CHKA: variants seen among roughly 807,000 people sequenced by gnomAD.
CHKA encodes choline kinase alpha, also known as CHETK-alpha.
CHKA carries 34 observed loss-of-function variants against 60.1 expected under a neutral mutation model. The ratio of observed to expected loss-of-function variants is 0.57; its 90% CI spans 0.43 to 0.75. CHKA has a LOEUF of 0.75. Ranked by LOEUF, CHKA falls within the 30% of genes least tolerant of loss-of-function variation. The pLI is 0.00. For missense variants in CHKA, 563 were observed against 561.3 expected, an observed-to-expected ratio of 1.00 and a Z score of -0.03; for synonymous variants, 217 against 223.1, an observed-to-expected ratio of 0.97 and a Z score of 0.24.
intron 11 of CHKA, among the ~76,000 whole-genome samples, chr11:68,056,036 G>A (rs988823596): frequency 2.2e-4 from 34 of 152,098 alleles, no homozygotes; most frequent in Non-Finnish European, 7.4e-5. Flanking sequence ...CAACAAGAGC[G>A]AAACTCCATC....
chr11:68,120,520 C>T (rs778437019), intron 1 of CHKA, among the ~76,000 whole-genome samples: 1 of 152,380 alleles, frequency 6.6e-6, no homozygotes, highest in Admixed American at 6.5e-5. Flanking sequence ...GCGTCAGTAC[C>T]ACACGCACTT....
intron 2 of CHKA, chr11:68,081,664 T>C: frequency 2.0e-6 from 1 of 504,656 alleles, no homozygotes; most frequent in Non-Finnish European, 3.6e-6. Flanking sequence ...TTCATTGCTT[T>C]ACGAGAAAAG....
At position 68,068,867 on chromosome 11, in the gene CHKA, A is replaced by G. The variant is rs1162189441; in HGVS notation, c.928+12T>C. On this transcript the variant is annotated intron_variant, in intron 7 of 11. Coordinates refer to ENST00000265689, the MANE Select transcript of CHKA (RefSeq NM_001277.3). Reference sequence around the variant, plus strand: ...ACAAACCTCATCTGTAACAGAACATAGCAATTCTTACCTTCTTGACAGTCA... The same window carrying G: ...ACAAACCTCATCTGTAACAGAACATGGCAATTCTTACCTTCTTGACAGTCA... The G allele has an allele frequency of 6.3e-7, 1 of 1,592,308 alleles. No homozygotes were observed. The highest frequency in any genetic ancestry group is 8.6e-7 in the Non-Finnish European group (1 of 1,160,578).
intron 2 of CHKA, among the ~76,000 whole-genome samples, chr11:68,090,659 T>C (rs1430758396): frequency 6.6e-6 from 1 of 152,252 alleles, no homozygotes; most frequent in Non-Finnish European, 1.5e-5. Flanking sequence ...TTGACTCTTT[T>C]AAGTTGCTAA....
intron 1 of CHKA, among the ~76,000 whole-genome samples, chr11:68,100,807 G>A (rs897934961): frequency 6.6e-6 from 1 of 151,612 alleles, no homozygotes; most frequent in Admixed American, 6.6e-5. Flanking sequence ...ACAGAAAAAA[G>A]CAGGAAGTAC....
Position 68,112,053 on chromosome 11 carries a change from CAAAAAAAAA to C in CHKA, c.350+8766_350+8774del, listed in dbSNP as rs754639082. On this transcript the variant is annotated intron_variant, in intron 1 of 11. Transcript: ENST00000265689. The stretch of plus-strand genomic sequence containing the variant: ...GGGCAACAACAGCAAAACTCCGTCT[CAAAAAAAAA>C]AAAAAAAAAAAAAAAAGTCCTGGAA... 1.1e-3 allele frequency among the ~76,000 whole-genome samples: 22 copies of C among 20,914 alleles called. No individual in the cohort carries two copies. The East Asian group carries it at 0.024, about 23-fold the overall frequency. 13.7% of individuals were successfully genotyped at this position (20,914 alleles called of 152,430 possible).
intron 7 of CHKA, among the ~76,000 whole-genome samples, chr11:68,067,218 A>G (rs1565174946): frequency 6.6e-6 from 1 of 152,234 alleles, no homozygotes; most frequent in Non-Finnish European, 1.5e-5. Flanking sequence ...CTAGGTTTTC[A>G]GCAGCTCTCT....
chr11:68,119,827 G>C (rs777150059), intron 1 of CHKA, among the ~76,000 whole-genome samples: 6 of 152,154 alleles, frequency 3.9e-5, no homozygotes, highest in Non-Finnish European at 7.3e-5. Context: ...GAATGGTTAT[G>C]TCTTCGGAGC....
intron 11 of CHKA, among the ~76,000 whole-genome samples, chr11:68,056,280 T>C (rs1435363316): frequency 6.6e-6 from 1 of 152,204 alleles, no homozygotes; most frequent in Non-Finnish European, 1.5e-5. Context: ...ATAACTCCCA[T>C]AGCCCTTACT....
intron 2 of CHKA, among the ~76,000 whole-genome samples, chr11:68,093,509 G>T (rs1857414002): frequency 6.6e-6 from 1 of 152,192 alleles, no homozygotes; most frequent in African/African-American, 2.4e-5. Flanking sequence ...TACATTTTAA[G>T]TGGCTTAAAT....
At chr11:68,119,297 G>T (rs893263105) in intron 1 of CHKA, among the ~76,000 whole-genome samples, 4 of 152,144 alleles carry the variant, frequency 2.6e-5, no homozygotes, top group African/African-American at 9.7e-5. Flanking sequence ...GAAGCTCAAA[G>T]AGTTAATTTT....
At chr11:68,072,824 C>T (rs562264202) in intron 4 of CHKA, among the ~76,000 whole-genome samples, 2 of 152,070 alleles carry the variant, frequency 1.3e-5, no homozygotes, top group South Asian at 4.2e-4. Context: ...CAAGACCCAT[C>T]TCTACAAAAA....
intron 10 of CHKA, among the ~76,000 whole-genome samples, chr11:68,064,039 CAT>C (rs1236856603): frequency 2.0e-5 from 3 of 152,222 alleles, no homozygotes; most frequent in Non-Finnish European, 4.4e-5. Flanking sequence ...GAAAGCTCTG[CAT>C]AGTCTCGGCC....
At chr11:68,054,616 C>T (rs995519822) in intron 11 of CHKA, among the ~76,000 whole-genome samples, 3 of 152,192 alleles carry the variant, frequency 2.0e-5, no homozygotes, top group African/African-American at 7.2e-5. Flanking sequence ...CAAAGACCCA[C>T]TCCTAATCTA....
At chr11:68,070,607 G>T in intron 5 of CHKA, 117 bp downstream of exon 5, 1 of 1,077,146 alleles carries the variant, frequency 9.3e-7, no homozygotes. Context: ...CTGACACCCT[G>T]CACTTCAGTG....
intron 3 of CHKA, among the ~76,000 whole-genome samples, chr11:68,078,333 G>A (rs181120697): frequency 6.6e-6 from 1 of 152,300 alleles, no homozygotes; most frequent in East Asian, 1.9e-4. Flanking sequence ...GCAAAAAGAG[G>A]GGCCAGGGCA....
rs574240902 is a variant in CHKA at position 68,087,990 on chromosome 11, G to A, written c.463-6533C>T. On this transcript the variant is annotated intron_variant, in intron 2 of 11. Coordinates refer to ENST00000265689, the MANE Select transcript of CHKA (RefSeq NM_001277.3). ...TAGTCAGGTATAGTGGCACATGCCTGTAATCCCAGCTACTCAGGGGACTGA... is the reference window on the plus strand; with the variant it reads ...TAGTCAGGTATAGTGGCACATGCCTATAATCCCAGCTACTCAGGGGACTGA... Among the ~76,000 whole-genome samples the A allele has an allele frequency of 1.4e-4, 21 of 151,838 alleles. 1 individual carries two copies. The highest frequency in any genetic ancestry group is 5.1e-4 in the African/African-American group (21 of 41,420).
Position 68,121,326 on chromosome 11 carries a change from G to GCTGCGGCGGCTGCGGCGA in CHKA, c.-150_-149insTCGCCGCAGCCGCCGCAG, listed in dbSNP as rs1555016694. ...TTGGGCGCGCGGGGCGGCGGCGGCG[G>GCTGCGGCGGCTGCGGCGA]CTGCGGCGACTGCGGCGACTGTGGA... On this transcript the variant is annotated 5_prime_UTR_variant, in exon 1 of 12. Transcript: ENST00000265689. The GCTGCGGCGGCTGCGGCGA allele has an allele frequency of 3.8e-4, 107 of 278,646 alleles. No homozygotes were observed. Among genetic ancestry groups the GCTGCGGCGGCTGCGGCGA allele is most frequent in the Non-Finnish European group, 4.8e-4 (87 of 180,822 alleles). The allele number at this position is 278,646 out of a possible 1,614,324, so 17.3% of individuals were successfully genotyped here. A position where few individuals can be genotyped will look rare whatever the true frequency, so the allele number is the denominator to read the frequency against.
At chr11:68,055,608 T>C (rs950429600) in intron 11 of CHKA, among the ~76,000 whole-genome samples, 11 of 152,200 alleles carry the variant, frequency 7.2e-5, no homozygotes, top group African/African-American at 2.7e-4. Flanking sequence ...TTCTTTCAAG[T>C]TTTAGCCATC....
Sources: allele counts gnomAD v4.1 joint callset (sites outside exome capture counted in the v4.1 genomes callset), GRCh38; gene constraint gnomAD v4.1.1; transcripts MANE v1.5; gene names NCBI Gene and HGNC (gene_info 2026-07-23, HGNC 2026-07-21).